ZNF385D: variants seen among roughly 807,000 people sequenced by gnomAD.
ZNF385D encodes zinc finger protein 385D, also known as zinc finger protein 659.
In ZNF385D, 15 loss-of-function variants were observed where a neutral mutation model predicts 35.8. That is an observed-to-expected ratio of 0.42 (90% CI 0.28 to 0.64). The LOEUF (loss-of-function observed/expected upper bound fraction) is 0.64. Among genes scored for constraint, ZNF385D ranks in the 30% least tolerant of loss-of-function variants. The pLI is 0.23. For missense variants in ZNF385D, 474 were observed against 494.6 expected (o/e 0.96, Z 0.39); for synonymous variants, 212 against 186.8 (o/e 1.13, Z -1.10).
At chr3:22,150,609 G>C (rs759271036) in intron 3 of ZNF385D, among the ~76,000 whole-genome samples, 3 of 152,022 alleles carry the variant, frequency 2.0e-5, no homozygotes, top group Admixed American at 6.6e-5. Flanking sequence ...TCTTCCTTCA[G>C]GCTACTAACT....
chr3:21,633,657 T>A (rs1175894262), intron 2 of ZNF385D, among the ~76,000 whole-genome samples: 2 of 152,106 alleles, frequency 1.3e-5, no homozygotes, highest in African/African-American at 4.8e-5. Context: ...TTTAAGTTAT[T>A]TAGGCAATCA....
intron 2 of ZNF385D, among the ~76,000 whole-genome samples, chr3:22,288,034 G>C (rs1702114928): frequency 6.6e-6 from 1 of 151,814 alleles, no homozygotes; most frequent in South Asian, 2.1e-4. Flanking sequence ...TATTAATCTT[G>C]ACAGGCAAGG....
intron 3 of ZNF385D, among the ~76,000 whole-genome samples, chr3:21,868,719 A>G (rs945023897): frequency 6.6e-6 from 1 of 152,148 alleles, no homozygotes; most frequent in African/African-American, 2.4e-5. Context: ...CACATATGTA[A>G]ATTAGATAGA....
At chr3:22,131,190 G>A (rs1039411524) in intron 3 of ZNF385D, among the ~76,000 whole-genome samples, 1 of 152,096 alleles carries the variant, frequency 6.6e-6, no homozygotes, top group African/African-American at 2.4e-5. Context: ...AAGTCAGGGT[G>A]GGCAATGAGG....
intron 1 of ZNF385D, among the ~76,000 whole-genome samples, chr3:21,683,065 T>C (rs1019194263): frequency 4.7e-5 from 7 of 149,730 alleles, no homozygotes; most frequent in Non-Finnish European, 8.9e-5. Context: ...GATTTCTGAG[T>C]GGGAGCTGCT....
chr3:21,902,837 AAAGTAT>A (rs1228789308), intron 3 of ZNF385D, among the ~76,000 whole-genome samples: 2 of 152,164 alleles, frequency 1.3e-5, no homozygotes, highest in Non-Finnish European at 2.9e-5. Flanking sequence ...CCTAAAACTT[AAAGTAT>A]AATAATAATT....
At chr3:21,815,954 C>A (rs2073129962) in intron 3 of ZNF385D, among the ~76,000 whole-genome samples, 2 of 152,148 alleles carry the variant, frequency 1.3e-5, no homozygotes, top group Admixed American at 1.3e-4. Flanking sequence ...CAAACCGAAT[C>A]CAGTAGCACA....
At chr3:21,864,976 C>T (rs922130225) in intron 3 of ZNF385D, among the ~76,000 whole-genome samples, 19 of 107,548 alleles carry the variant, frequency 1.8e-4, no homozygotes, top group African/African-American at 5.3e-4. Flanking sequence ...AGCCAACCTA[C>T]GTTTGGAACA....
chr3:21,713,247 A>G (rs1469115913), intron 1 of ZNF385D, among the ~76,000 whole-genome samples: 1 of 152,190 alleles, frequency 6.6e-6, no homozygotes, highest in East Asian at 1.9e-4. Flanking sequence ...GAAGTTCCAA[A>G]CTATAAAAAG....
intron 3 of ZNF385D, among the ~76,000 whole-genome samples, chr3:21,777,272 A>T (rs995318576): frequency 1.3e-5 from 2 of 151,980 alleles, no homozygotes; most frequent in Non-Finnish European, 2.9e-5. Flanking sequence ...ACTCATTTTC[A>T]TCACATCAGC....
intron 2 of ZNF385D, among the ~76,000 whole-genome samples, chr3:21,622,328 T>A (rs958598705): frequency 6.6e-6 from 1 of 152,166 alleles, no homozygotes; most frequent in Non-Finnish European, 1.5e-5. Flanking sequence ...ACAGAGGTCA[T>A]TTGCTTATAA....
At chr3:21,715,309 T>C (rs920663924) in intron 1 of ZNF385D, among the ~76,000 whole-genome samples, 13 of 151,862 alleles carry the variant, frequency 8.6e-5, no homozygotes, top group Admixed American at 2.0e-4. Flanking sequence ...GGTGTTCACC[T>C]TTTTTTTAAG....
chr3:22,339,554 A>G (rs1371156399), intron 2 of ZNF385D, among the ~76,000 whole-genome samples: 4 of 152,238 alleles, frequency 2.6e-5, no homozygotes, highest in African/African-American at 9.6e-5. Flanking sequence ...AATAAATGTT[A>G]TGTATTAACA....
intron 2 of ZNF385D, among the ~76,000 whole-genome samples, chr3:22,351,354 A>G (rs547563520): frequency 1.3e-5 from 2 of 152,230 alleles, no homozygotes; most frequent in East Asian, 3.9e-4. Flanking sequence ...TTTAATTTAG[A>G]ACTTTCTGAA....
chr3:21,979,192 G>A (rs1254459191), intron 3 of ZNF385D, among the ~76,000 whole-genome samples: 1 of 152,064 alleles, frequency 6.6e-6, no homozygotes, highest in African/African-American at 2.4e-5. Context: ...TTTGTAAAAA[G>A]GAGGATATGG....
intron 3 of ZNF385D, among the ~76,000 whole-genome samples, chr3:21,765,471 G>T (rs2070786206): frequency 6.6e-6 from 1 of 152,056 alleles, no homozygotes; most frequent in Non-Finnish European, 1.5e-5. Context: ...TGAGACCCAT[G>T]ACTTGTGTGG....
intron 4 of ZNF385D, among the ~76,000 whole-genome samples, chr3:21,454,752 G>A (rs1702682574): frequency 6.6e-6 from 1 of 152,146 alleles, no homozygotes. Context: ...AGTCAGGCAG[G>A]AGAAAGAAAT....
At chr3:21,806,188 CTTTTTT>C (rs913479925) in intron 3 of ZNF385D, among the ~76,000 whole-genome samples, 1 of 144,016 alleles carries the variant, frequency 6.9e-6, no homozygotes, top group East Asian at 2.0e-4. Context: ...TCTTTCCTTT[CTTTTTT>C]TTTTTAAATT....
intron 1 of ZNF385D, among the ~76,000 whole-genome samples, chr3:21,723,289 A>C (rs186860128): frequency 6.6e-6 from 1 of 152,198 alleles, no homozygotes; most frequent in Admixed American, 6.5e-5. Context: ...ACAAAACTGC[A>C]TGGAGAATAA....
Sources: allele counts gnomAD v4.1 joint callset (sites outside exome capture counted in the v4.1 genomes callset), GRCh38; gene constraint gnomAD v4.1.1; transcripts MANE v1.5; gene names NCBI Gene and HGNC (gene_info 2026-07-23, HGNC 2026-07-21).